KIAA1217: variants seen among roughly 807,000 people sequenced by gnomAD.
KIAA1217 encodes the protein KIAA1217.
Under a neutral mutation model 163.9 loss-of-function variants are expected in KIAA1217, and 88 were observed. That is an observed-to-expected ratio of 0.54 (90% CI 0.45 to 0.64). The LOEUF is 0.64. Ranked by LOEUF, KIAA1217 falls within the 30% of genes least tolerant of loss-of-function variation. KIAA1217 has a pLI of 0.00. For missense variants in KIAA1217, 2,372 were observed against 2,475.0 expected, an observed-to-expected ratio of 0.96 and a Z score of 0.88; for synonymous variants, 903 against 923.1, an observed-to-expected ratio of 0.98 and a Z score of 0.39.
intron 1 of KIAA1217, among the ~76,000 whole-genome samples, chr10:23,981,041 T>G (rs1845747837): frequency 6.6e-6 from 1 of 152,200 alleles, no homozygotes; most frequent in Admixed American, 6.5e-5. Flanking sequence ...TTGCTTAAAG[T>G]TTAAAAATAA....
intron 2 of KIAA1217, among the ~76,000 whole-genome samples, chr10:24,139,996 C>G (rs910937086): frequency 6.6e-6 from 1 of 151,870 alleles, no homozygotes; most frequent in African/African-American, 2.4e-5. Flanking sequence ...ATCTTGGCAA[C>G]CTCAGCATAC....
In KIAA1217 at chr10:24,524,771, T is replaced by G; in HGVS notation, c.2898+7T>G. 1 of 1,571,090 alleles carries G rather than the reference T, an allele frequency of 6.4e-7. No individual in the cohort carries two copies. ...CAGGGCAGTGTCTATCGAGGTAGAG[T>G]CCTATTTCTGTTTCTCATAACCCCA... On this transcript the variant is annotated splice_region_variant and intron_variant, in intron 13 of 20. Transcript: ENST00000376454.
chr10:24,437,843 GTT>G (rs200060214), intron 4 of KIAA1217, among the ~76,000 whole-genome samples: 1 of 88,190 alleles, frequency 1.1e-5, no homozygotes, highest in Non-Finnish European at 2.2e-5. Context: ...TTTTGGTACT[GTT>G]TTTTTTTTTT....
intron 1 of KIAA1217, among the ~76,000 whole-genome samples, chr10:24,005,529 C>G (rs61849230): frequency 6.6e-6 from 1 of 152,052 alleles, no homozygotes; most frequent in Non-Finnish European, 1.5e-5. Flanking sequence ...TGAAGTCACA[C>G]TGACCTGGGT....
chr10:23,718,850 G>C (rs1055282746), intron 1 of KIAA1217, among the ~76,000 whole-genome samples: 3 of 148,954 alleles, frequency 2.0e-5, no homozygotes. Context: ...GGGAGGGAGG[G>C]GGAGAGAGAG....
At chr10:24,496,413 T>C (rs1313573267) in intron 8 of KIAA1217, among the ~76,000 whole-genome samples, 5 of 152,238 alleles carry the variant, frequency 3.3e-5, no homozygotes, top group Non-Finnish European at 7.3e-5. Context: ...GATTGTAAAC[T>C]TAGGGAGAAG....
intron 1 of KIAA1217, among the ~76,000 whole-genome samples, chr10:23,702,556 T>C (rs1331220696): frequency 2.0e-5 from 3 of 151,980 alleles, no homozygotes; most frequent in Non-Finnish European, 2.9e-5. Flanking sequence ...AATTTGTAAT[T>C]AATAAAATCT....
intron 1 of KIAA1217, among the ~76,000 whole-genome samples, chr10:23,757,563 G>A (rs1035301493): frequency 1.3e-5 from 2 of 151,934 alleles, no homozygotes; most frequent in African/African-American, 4.8e-5. Flanking sequence ...TGTCGCCCAG[G>A]CTGGAGTGCA....
chr10:24,067,738 G>T (rs1430183012), intron 2 of KIAA1217, among the ~76,000 whole-genome samples: 1 of 152,182 alleles, frequency 6.6e-6, no homozygotes, highest in East Asian at 1.9e-4. Flanking sequence ...CCTGCCCCCA[G>T]AGGTGGAGCC....
intron 2 of KIAA1217, chr10:24,239,129 C>CA (rs2072694514): frequency 1.0e-6 from 1 of 984,730 alleles, no homozygotes; most frequent in Non-Finnish European, 1.2e-6. Flanking sequence ...AGTAGCTACT[C>CA]AAAAAGTCCT....
At chr10:24,396,623 T>C (rs1035706412) in intron 3 of KIAA1217, among the ~76,000 whole-genome samples, 8 of 151,896 alleles carry the variant, frequency 5.3e-5, no homozygotes, top group Non-Finnish European at 1.2e-4. Context: ...ACCTGGAGCA[T>C]GTGAAGATGT....
chr10:24,243,658 A>G (rs1380827124), intron 2 of KIAA1217, among the ~76,000 whole-genome samples: 2 of 140,314 alleles, frequency 1.4e-5, no homozygotes, highest in East Asian at 4.4e-4. Flanking sequence ...ATATATATAT[A>G]TACACATCTA....
intron 1 of KIAA1217, among the ~76,000 whole-genome samples, chr10:23,988,529 T>C (rs1388905303): frequency 6.6e-6 from 1 of 152,184 alleles, no homozygotes; most frequent in African/African-American, 2.4e-5. Flanking sequence ...TTCTGAACCA[T>C]CTTACTTTGT....
At chr10:24,397,300 G>T (rs2055917251) in intron 3 of KIAA1217, among the ~76,000 whole-genome samples, 1 of 152,020 alleles carries the variant, frequency 6.6e-6, no homozygotes, top group African/African-American at 2.4e-5. Flanking sequence ...ATGTTGGCCA[G>T]GCTGGTCTCG....
chr10:23,835,168 G>A (rs1321918386), intron 1 of KIAA1217, among the ~76,000 whole-genome samples: 18 of 152,108 alleles, frequency 1.2e-4, no homozygotes, highest in Non-Finnish European at 1.5e-5. Context: ...GAGATATGAA[G>A]AGGATCTAAG....
chr10:23,901,368 T>C (rs996496717), intron 1 of KIAA1217, among the ~76,000 whole-genome samples: 1 of 152,130 alleles, frequency 6.6e-6, no homozygotes, highest in African/African-American at 2.4e-5. Context: ...TACAGTCTTA[T>C]ACTTTAACTG....
At chr10:24,067,761 C>T (rs950823134) in intron 2 of KIAA1217, among the ~76,000 whole-genome samples, 6 of 152,254 alleles carry the variant, frequency 3.9e-5, no homozygotes, top group Admixed American at 3.3e-4. Flanking sequence ...CAGAGGCAGG[C>T]AGGCCTCCTT....
intron 2 of KIAA1217, among the ~76,000 whole-genome samples, chr10:24,242,222 G>A (rs980563411): frequency 6.6e-6 from 1 of 152,124 alleles, no homozygotes; most frequent in African/African-American, 2.4e-5. Flanking sequence ...GTACCCAATA[G>A]GTAGTTTTTT....
intron 1 of KIAA1217, among the ~76,000 whole-genome samples, chr10:23,952,589 G>T (rs1247304537): frequency 6.6e-6 from 1 of 152,114 alleles, no homozygotes; most frequent in Non-Finnish European, 1.5e-5. Flanking sequence ...TCCATTTAGG[G>T]ACAAGATTGG....
Sources: allele counts gnomAD v4.1 joint callset (sites outside exome capture counted in the v4.1 genomes callset), GRCh38; gene constraint gnomAD v4.1.1; transcripts MANE v1.5; gene names NCBI Gene and HGNC (gene_info 2026-07-23, HGNC 2026-07-21).